The following RPS6KA5 variants were observed in gnomAD, a reference collection of about 807,000 sequenced individuals.
RPS6KA5 encodes the protein ribosomal protein S6 kinase alpha-5.
A neutral mutation model predicts 85.5 loss-of-function variants in RPS6KA5; 27 were observed. The observed-to-expected ratio is 0.32, with a 90% CI of 0.23 to 0.44. The LOEUF is 0.44. Among genes scored for constraint, RPS6KA5 ranks in the 20% least tolerant of loss-of-function variants. The pLI, the probability that RPS6KA5 is intolerant of heterozygous loss-of-function variation, is 1.00. For missense variants in RPS6KA5, 811 were observed against 980.9 expected, an observed-to-expected ratio of 0.83 and a Z score of 2.31; for synonymous variants, 334 against 348.2, an observed-to-expected ratio of 0.96 and a Z score of 0.46.
At chr14:90,962,188 A>C (rs1404033086) in intron 3 of RPS6KA5, among the ~76,000 whole-genome samples, 1 of 152,208 alleles carries the variant, frequency 6.6e-6, no homozygotes, top group Non-Finnish European at 1.5e-5. Flanking sequence ...TGAAGCCTGA[A>C]GAGTGGCATG....
Position 91,030,611 on chromosome 14 carries a change from G to GA in RPS6KA5, c.104-29453dup, listed in dbSNP as rs58737573. On this transcript the variant is annotated intron_variant, in intron 1 of 16. Transcript: ENST00000614987. ...AACATGCAAGACACCAAAATAAACA[G>GA]AAAAAAAAAAAAAAAAAAAAAAAAA... Among the ~76,000 whole-genome samples the GA allele has an allele frequency of 6.8e-3, 150 of 22,032 alleles. 6 individuals are homozygous for GA. Among genetic ancestry groups the GA allele is most frequent in the Admixed American group, 0.022 (26 of 1,176 alleles). 14.5% of individuals were successfully genotyped at this position (22,032 alleles called of 152,430 possible).
intron 1 of RPS6KA5, among the ~76,000 whole-genome samples, chr14:91,045,326 G>A (rs983229847): frequency 1.3e-5 from 2 of 149,234 alleles, no homozygotes; most frequent in Admixed American, 6.7e-5. Context: ...AATCAACGGC[G>A]TGATCTTGGC....
intron 6 of RPS6KA5, among the ~76,000 whole-genome samples, chr14:90,922,414 G>A (rs1019476149): frequency 3.3e-5 from 5 of 152,094 alleles, no homozygotes; most frequent in Non-Finnish European, 5.9e-5. Flanking sequence ...TGGTTCACTT[G>A]TATCCTAAAA....
At chr14:90,982,070 C>A (rs1422572624) in intron 2 of RPS6KA5, among the ~76,000 whole-genome samples, 1 of 152,182 alleles carries the variant, frequency 6.6e-6, no homozygotes, top group Non-Finnish European at 1.5e-5. Context: ...TCCAGACCAC[C>A]TTTTTGTTCT....
chr14:90,922,381 C>T (rs553141102), intron 6 of RPS6KA5, among the ~76,000 whole-genome samples: 1 of 152,168 alleles, frequency 6.6e-6, no homozygotes, highest in South Asian at 2.1e-4. Flanking sequence ...TTTTACATGC[C>T]GTGACCCTTC....
intron 1 of RPS6KA5, among the ~76,000 whole-genome samples, chr14:91,055,846 G>A (rs567855152): frequency 7.2e-5 from 11 of 152,296 alleles, no homozygotes; most frequent in African/African-American, 2.4e-4. Flanking sequence ...TTGTTTTTGG[G>A]GAAACCAGCT....
chr14:90,914,594 C>T (rs189058468), intron 7 of RPS6KA5, among the ~76,000 whole-genome samples: 21 of 152,104 alleles, frequency 1.4e-4, no homozygotes, highest in Non-Finnish European at 2.8e-4. Flanking sequence ...GGATTACAAG[C>T]GTGAGCCACT....
chr14:91,024,070 T>C (rs970203765), intron 1 of RPS6KA5, among the ~76,000 whole-genome samples: 2 of 152,234 alleles, frequency 1.3e-5, no homozygotes, highest in African/African-American at 4.8e-5. Context: ...ACTTTTTCTC[T>C]GACATTTTTT....
intron 2 of RPS6KA5, among the ~76,000 whole-genome samples, chr14:90,979,698 C>T (rs1357413054): frequency 6.6e-6 from 1 of 152,240 alleles, no homozygotes; most frequent in Non-Finnish European, 1.5e-5. Flanking sequence ...GGAGCGCCAA[C>T]ATTTATTAAG....
chr14:90,916,431 T>C (rs528925456), intron 7 of RPS6KA5, among the ~76,000 whole-genome samples: 1 of 152,286 alleles, frequency 6.6e-6, no homozygotes, highest in Non-Finnish European at 1.5e-5. Context: ...AATACATTAC[T>C]TTGAACCATT....
intron 3 of RPS6KA5, among the ~76,000 whole-genome samples, chr14:90,956,293 T>A (rs1487217627): frequency 6.6e-6 from 1 of 152,166 alleles, no homozygotes; most frequent in African/African-American, 2.4e-5. Context: ...TCCTTTTAAA[T>A]CTCTACTAGC....
At chr14:91,029,316 T>G (rs1050700748) in intron 1 of RPS6KA5, among the ~76,000 whole-genome samples, 1 of 152,200 alleles carries the variant, frequency 6.6e-6, no homozygotes, top group South Asian at 2.1e-4. Flanking sequence ...AAGCTTACAC[T>G]TTACTAAACT....
chr14:90,991,742 AATAG>A (rs146878917), intron 2 of RPS6KA5, among the ~76,000 whole-genome samples: 2,595 of 151,466 alleles, frequency 0.017, 58 homozygotes, highest in African/African-American at 0.061. Context: ...AAGAGGTCAA[AATAG>A]ATAGAGAAGA....
At chr14:90,957,060 TTTTTGTTTTG>T (rs1437959311) in intron 3 of RPS6KA5, among the ~76,000 whole-genome samples, 1 of 151,932 alleles carries the variant, frequency 6.6e-6, no homozygotes, top group Non-Finnish European at 1.5e-5. Flanking sequence ...GTTTCAGTGT[TTTTTGTTTTG>T]TTTTGTTTTT....
At position 90,863,348 on chromosome 14, in the gene RPS6KA5, A is replaced by G. The variant is rs1451578898; in HGVS notation, c.*8726T>C. ...AAAAAAAAGAAAAGAAAAGAAAAAA[A>G]TATATATATATAGAATAGAAAAATA... On this transcript the variant is annotated 3_prime_UTR_variant, in exon 17 of 17. Coordinates refer to ENST00000614987, the MANE Select transcript of RPS6KA5 (RefSeq NM_004755.4). 2.8e-5 allele frequency: 4 copies of G among 143,532 alleles called. No individual in the cohort carries two copies. The South Asian group carries it at 8.5e-4, about 30-fold the overall frequency. The allele number at this position is 143,532 out of a possible 1,614,324, so 8.9% of individuals were successfully genotyped here.
chr14:90,974,840 T>C (rs1373446928), intron 3 of RPS6KA5, among the ~76,000 whole-genome samples: 1 of 152,158 alleles, frequency 6.6e-6, no homozygotes, highest in Non-Finnish European at 1.5e-5. Flanking sequence ...CATGAGAAAA[T>C]AAATCATTGT....
At chr14:90,911,867 T>A (rs1258671489) in intron 7 of RPS6KA5, among the ~76,000 whole-genome samples, 3 of 152,238 alleles carry the variant, frequency 2.0e-5, no homozygotes, top group African/African-American at 7.2e-5. Flanking sequence ...ATAATGAACA[T>A]GACATTTAGA....
At chr14:90,893,867 G>T in intron 13 of RPS6KA5, 1 of 356,028 alleles carries the variant, frequency 2.8e-6, no homozygotes. Flanking sequence ...ATAAATAGCT[G>T]TTACTTTTGC....
In RPS6KA5 at chr14:90,857,979, T is replaced by A. The variant is rs1196527480; in HGVS notation, c.*14095A>T. On this transcript the variant is annotated 3_prime_UTR_variant, in exon 17 of 17. Coordinates refer to ENST00000614987, the MANE Select transcript of RPS6KA5 (RefSeq NM_004755.4). ...ACATATGACCATGTGACAACCAAGT[T>A]ATCAATGCCAGAAGCCACTGCGGAG... 1 of 152,192 alleles carries A rather than the reference T, an allele frequency of 6.6e-6. No homozygotes were observed. Among genetic ancestry groups the A allele is most frequent in the East Asian group, 1.9e-4 (1 of 5,198 alleles). 9.4% of individuals were successfully genotyped at this position (152,192 alleles called of 1,614,324 possible). A position where few individuals can be genotyped will look rare whatever the true frequency, so the allele number is the denominator to read the frequency against.
Sources: gnomAD v4.1 joint callset for allele counts (sites outside exome capture counted in the v4.1 genomes callset) on GRCh38, gnomAD v4.1.1 for gene constraint, MANE v1.5 for transcripts, NCBI Gene and HGNC (gene_info 2026-07-23, HGNC 2026-07-21) for gene names.